TARBP1: variants seen among roughly 807,000 people sequenced by gnomAD.
The protein encoded by TARBP1 is tRNA guanosine 2 -O-methyltransferase TARBP1.
Under a neutral mutation model 178.6 loss-of-function variants are expected in TARBP1, and 144 were observed. The ratio of observed to expected loss-of-function variants is 0.81; its 90% CI spans 0.70 to 0.93. TARBP1 has a LOEUF of 0.93. TARBP1 is among the 40% of genes least tolerant of loss of function. The pLI, the probability that TARBP1 is intolerant of heterozygous loss-of-function variation, is 0.00. For missense variants in TARBP1, 2,067 were observed against 2,011.7 expected (o/e 1.03, Z -0.53); for synonymous variants, 787 against 781.0 (o/e 1.01, Z -0.13).
At chr1:234,473,416 A>C (rs1167633271) in intron 1 of TARBP1, among the ~76,000 whole-genome samples, 1 of 152,202 alleles carries the variant, frequency 6.6e-6, no homozygotes, top group African/African-American at 2.4e-5. Context: ...TTTCTGGAGA[A>C]GGTAAAATAG....
chr1:234,406,162 T>C, intron 23 of TARBP1, 63 bp from the exon 24 acceptor site: 1 of 1,480,874 alleles, frequency 6.8e-7, no homozygotes. Context: ...CTCACTTGTA[T>C]GACACAAAAA....
intron 23 of TARBP1, among the ~76,000 whole-genome samples, chr1:234,408,206 T>G (rs972623759): frequency 6.6e-6 from 1 of 152,146 alleles, no homozygotes; most frequent in African/African-American, 2.4e-5. Flanking sequence ...AAAGGTTTTT[T>G]TTTTTTTTCC....
chr1:234,427,431 T>A, intron 18 of TARBP1, 43 bp from the exon 19 acceptor site: 1 of 1,533,146 alleles, frequency 6.5e-7, no homozygotes, highest in African/African-American at 1.4e-5. Context: ...AGGTTTTAAA[T>A]AGAAAAAAAA....
rs371203330 is a variant in TARBP1, at chr1:234,424,308, C to T, written c.3444+1365G>A. ...ACAGAGCACCATGCTCAACTCTACCCCTTCCTATCTAACTTGTCTCCAGAT... is the reference window on the plus strand; with the variant it reads ...ACAGAGCACCATGCTCAACTCTACCTCTTCCTATCTAACTTGTCTCCAGAT... On this transcript the variant is annotated intron_variant, in intron 20 of 29. Coordinates refer to ENST00000040877, the MANE Select transcript of TARBP1 (RefSeq NM_005646.4). Among the ~76,000 whole-genome samples the T allele has an allele frequency of 1.5e-4, 23 of 152,318 alleles. No individual in the cohort carries two copies. In the South Asian group the frequency reaches 4.6e-3, roughly 30 times the overall value.
chr1:234,421,969 T>C (rs1663152879), intron 20 of TARBP1, among the ~76,000 whole-genome samples: 1 of 152,234 alleles, frequency 6.6e-6, no homozygotes, highest in African/African-American at 2.4e-5. Context: ...GCTAAATTAA[T>C]ATAGATTTTA....
At chr1:234,429,917 G>C (rs1003578114) in intron 15 of TARBP1, among the ~76,000 whole-genome samples, 170 bp downstream of exon 15, 1 of 152,196 alleles carries the variant, frequency 6.6e-6, no homozygotes, top group Non-Finnish European at 1.5e-5. Flanking sequence ...ACTAGATGCA[G>C]AAAAGTCAGC....
At chr1:234,403,428 T>A (rs1338424138) in intron 24 of TARBP1, among the ~76,000 whole-genome samples, 1 of 152,240 alleles carries the variant, frequency 6.6e-6, no homozygotes, top group Non-Finnish European at 1.5e-5. Context: ...TATTTCCTCA[T>A]CACCACATTT....
At chr1:234,458,665 T>C (rs1447886332) in intron 8 of TARBP1, among the ~76,000 whole-genome samples, 2 of 152,170 alleles carry the variant, frequency 1.3e-5, no homozygotes, top group Admixed American at 6.5e-5. Context: ...TGAGGCTTTG[T>C]AAAAAGCACA....
rs1183889056 is a variant in TARBP1 at position 234,478,657 on chromosome 1, T to C, written c.447A>G (p.Pro149=). The C allele has an allele frequency of 7.9e-7, 1 of 1,267,768 alleles. No homozygotes were observed. Among genetic ancestry groups the C allele is most frequent in the Non-Finnish European group, 9.9e-7 (1 of 1,007,792 alleles). 78.5% of individuals were successfully genotyped at this position (1,267,768 alleles called of 1,614,324 possible). ...GCCCGTCCTCGCGGGGCCGCAAACATGGCCCGACGGCTGCTAGCACTTCCA... is the reference window on the plus strand; with the variant it reads ...GCCCGTCCTCGCGGGGCCGCAAACACGGCCCGACGGCTGCTAGCACTTCCA... ...AAVEVLAAVG[P]CLRPREDGPL... The change falls in exon 1 of 30, where the codon CCA becomes CCG. Residue 149 remains proline, a synonymous_variant. Transcript: ENST00000040877.
intron 22 of TARBP1, among the ~76,000 whole-genome samples, chr1:234,413,531 G>A (rs181108460): frequency 7.2e-5 from 11 of 152,160 alleles, no homozygotes; most frequent in East Asian, 1.9e-4. Context: ...TTCTAGCAAC[G>A]GAAAACAGAC....
intron 1 of TARBP1, among the ~76,000 whole-genome samples, chr1:234,473,158 CTG>C (rs1175853437): frequency 3.3e-5 from 5 of 152,266 alleles, no homozygotes; most frequent in Non-Finnish European, 7.3e-5. Flanking sequence ...AATACAGAAT[CTG>C]AAAATCAGAT....
intron 12 of TARBP1, among the ~76,000 whole-genome samples, chr1:234,438,520 G>A (rs996986711): frequency 1.3e-5 from 2 of 152,184 alleles, no homozygotes; most frequent in Non-Finnish European, 2.9e-5. Flanking sequence ...CACTGAATGG[G>A]ATGAATAACA....
chr1:234,476,559 A>T (rs985999061), intron 1 of TARBP1, among the ~76,000 whole-genome samples: 3 of 152,200 alleles, frequency 2.0e-5, no homozygotes, highest in Admixed American at 1.3e-4. Flanking sequence ...TTAAGAATTT[A>T]AGGAGGAATT....
intron 9 of TARBP1, among the ~76,000 whole-genome samples, chr1:234,451,465 G>GACTGGATCAACGAA (rs373777443): frequency 8.9e-6 from 1 of 112,366 alleles, no homozygotes. Context: ...ACTGATGAAT[G>GACTGGATCAACGAA]GGCCGGGCGC....
At chr1:234,409,185 TTC>T (rs1380893396) in intron 23 of TARBP1, among the ~76,000 whole-genome samples, 3 of 152,030 alleles carry the variant, frequency 2.0e-5, no homozygotes, top group Non-Finnish European at 4.4e-5. Context: ...GAAATGGAAA[TTC>T]TTCCATTTCA....
At chr1:234,467,889 A>G (rs1263770595) in intron 3 of TARBP1, among the ~76,000 whole-genome samples, 1 of 152,164 alleles carries the variant, frequency 6.6e-6, no homozygotes, top group African/African-American at 2.4e-5. Flanking sequence ...CTCCTGCCTC[A>G]GCTTCCTGAG....
intron 10 of TARBP1, among the ~76,000 whole-genome samples, 189 bp downstream of exon 10, chr1:234,450,239 T>A (rs1328999860): frequency 1.3e-5 from 2 of 152,134 alleles, no homozygotes; most frequent in Non-Finnish European, 2.9e-5. Flanking sequence ...TCAGAACAGA[T>A]AAAGTATTAA....
Position 234,478,608 on chromosome 1 carries a change from TC to T in TARBP1, c.495del (p.Thr166ProfsTer61). On this transcript the variant is annotated frameshift_variant, in exon 1 of 30. Coordinates refer to ENST00000040877, the MANE Select transcript of TARBP1 (RefSeq NM_005646.4). LOFTEE classifies it high-confidence loss of function. ...CCGCCCAGCGCCAGGGCGACGGCGG[TC>T]CCCGCCACGCGCTCCAGTAGCGGCC... ...EDGPLLERVAGTAVALALGGG... is the reference protein window; with the variant it reads ...EDGPLLERVAXTAVALALGGG... 5 of 1,299,356 alleles carry T rather than the reference TC, an allele frequency of 3.8e-6. No individual in the cohort carries two copies. Among genetic ancestry groups the T allele is most frequent in the South Asian group, 4.1e-5 (2 of 48,450 alleles). The allele number at this position is 1,299,356 out of a possible 1,614,324, so 80.5% of individuals were successfully genotyped here. A position where few individuals can be genotyped will look rare whatever the true frequency, so the allele number is the denominator to read the frequency against.
intron 3 of TARBP1, 82 bp from the exon 4 acceptor site, chr1:234,467,732 A>G (rs1668594285): frequency 7.7e-7 from 1 of 1,295,488 alleles, no homozygotes; most frequent in Admixed American, 3.4e-5. Flanking sequence ...AATAATGTAC[A>G]AACACACACA....
Sources: gnomAD v4.1 joint callset for allele counts (sites outside exome capture counted in the v4.1 genomes callset) on GRCh38, gnomAD v4.1.1 for gene constraint, MANE v1.5 for transcripts, NCBI Gene and HGNC (gene_info 2026-07-23, HGNC 2026-07-21) for gene names.